VPS13B: variants seen among roughly 807,000 people sequenced by gnomAD.
The protein encoded by VPS13B is intermembrane lipid transfer protein VPS13B.
A neutral mutation model predicts 426.4 loss-of-function variants in VPS13B; 285 were observed. The observed-to-expected ratio is 0.67, with a 90% CI of 0.61 to 0.74. VPS13B has a LOEUF of 0.74. VPS13B is among the 30% of genes least tolerant of loss of function. VPS13B has a pLI of 0.00. For missense variants in VPS13B, 4,537 were observed against 4,782.6 expected (o/e 0.95, Z 1.51); for synonymous variants, 1,676 against 1,676.4 (o/e 1.00, Z 0.01).
At chr8:99,378,663 T>G (rs902388244) in intron 19 of VPS13B, among the ~76,000 whole-genome samples, 1 of 152,232 alleles carries the variant, frequency 6.6e-6, no homozygotes, top group Non-Finnish European at 1.5e-5. Context: ...GTCCTTCCAT[T>G]TGGGGTCCCT....
chr8:99,431,433 A>G (rs1364269229), intron 21 of VPS13B, 104 bp from the exon 22 acceptor site: 3 of 1,398,420 alleles, frequency 2.1e-6, no homozygotes, highest in Admixed American at 1.9e-5. Flanking sequence ...TATAAAAATT[A>G]TAATTTTAAG....
At chr8:99,565,626 C>A (rs1004790336) in intron 31 of VPS13B, among the ~76,000 whole-genome samples, 13 of 151,954 alleles carry the variant, frequency 8.6e-5, no homozygotes, top group Admixed American at 2.6e-4. Flanking sequence ...TGAGACTATT[C>A]CCCAAATGTT....
At chr8:99,720,670 T>C in intron 38 of VPS13B, 118 bp downstream of exon 38, 2 of 1,221,374 alleles carry the variant, frequency 1.6e-6, no homozygotes, top group Non-Finnish European at 2.4e-6. Context: ...AAATTTGCAG[T>C]ACAAAAATAG....
At chr8:99,735,824 G>A (rs894756821) in intron 39 of VPS13B, among the ~76,000 whole-genome samples, 7 of 152,182 alleles carry the variant, frequency 4.6e-5, no homozygotes, top group African/African-American at 1.7e-4. Context: ...CACGTCTGCA[G>A]AAAGAGTATA....
chr8:99,512,993 A>T (rs189947770), intron 29 of VPS13B, among the ~76,000 whole-genome samples: 6 of 151,388 alleles, frequency 4.0e-5, no homozygotes, highest in Admixed American at 3.3e-4. Context: ...TGGGTGACAG[A>T]GCAAGACGCC....
At chr8:99,135,167 A>G in intron 10 of VPS13B, 30 bp downstream of exon 10, 1 of 1,611,884 alleles carries the variant, frequency 6.2e-7, no homozygotes, top group Non-Finnish European at 8.5e-7. Context: ...CCTTTTTTGG[A>G]TAGGATATAG....
rs1353916181 is a variant in VPS13B, at chr8:99,195,247, T to C, written c.2515+2190T>C. Among the ~76,000 whole-genome samples the C allele has an allele frequency of 3.9e-5, 6 of 152,242 alleles. No individual in the cohort carries two copies. In the East Asian group the frequency reaches 9.6e-4, roughly 24 times the overall value. ...CTAACAGGTATGTGGTTATATCTCA[T>C]TGTGAATTTAATTTACATTTCTCTA... is the stretch of plus-strand genomic sequence containing the variant. On this transcript the variant is annotated intron_variant, in intron 17 of 61. Transcript: ENST00000357162.
intron 3 of VPS13B, among the ~76,000 whole-genome samples, chr8:99,079,829 G>A (rs1845346891): frequency 1.3e-5 from 2 of 151,528 alleles, no homozygotes; most frequent in South Asian, 4.2e-4. Context: ...GGAGGCTGAG[G>A]CAGGAGAATC....
chr8:99,157,364 G>A (rs369467682), intron 15 of VPS13B, among the ~76,000 whole-genome samples: 14 of 151,474 alleles, frequency 9.2e-5, no homozygotes, highest in Middle Eastern at 3.4e-3. Context: ...TGCTCACTTC[G>A]TGTCTCTGTG....
chr8:99,667,850 C>G (rs1830547901), intron 35 of VPS13B, among the ~76,000 whole-genome samples: 1 of 152,052 alleles, frequency 6.6e-6, no homozygotes, highest in Non-Finnish European at 1.5e-5. Flanking sequence ...TTTGGCAACT[C>G]AAGGAAATTT....
intron 15 of VPS13B, among the ~76,000 whole-genome samples, chr8:99,163,434 C>T (rs895321273): frequency 8.5e-5 from 13 of 152,304 alleles, no homozygotes; most frequent in Middle Eastern, 3.4e-3. Context: ...TGGGACTGGG[C>T]GCCGTGGAAT....
chr8:99,042,668 T>A (rs1843016533), intron 3 of VPS13B, among the ~76,000 whole-genome samples: 1 of 152,176 alleles, frequency 6.6e-6, no homozygotes, highest in Admixed American at 6.5e-5. Flanking sequence ...TGTTTCTGTT[T>A]TTGATACTGC....
At chr8:99,210,093 A>G (rs1158690047) in intron 17 of VPS13B, among the ~76,000 whole-genome samples, 2 of 152,212 alleles carry the variant, frequency 1.3e-5, no homozygotes, top group Non-Finnish European at 2.9e-5. Flanking sequence ...GAAGATGAGC[A>G]CAATTTCAAG....
chr8:99,427,982 G>A (rs1404939112), intron 21 of VPS13B, among the ~76,000 whole-genome samples: 14 of 152,074 alleles, frequency 9.2e-5, no homozygotes, highest in Non-Finnish European at 1.9e-4. Flanking sequence ...AAATAATGCA[G>A]TGTATCTACA....
Position 99,306,523 on chromosome 8 carries a change from A to G in VPS13B, c.2824+31269A>G, listed in dbSNP as rs900395755. Among the ~76,000 whole-genome samples the G allele has an allele frequency of 2.8e-4, 43 of 152,072 alleles. 1 individual carries two copies. The highest frequency in any genetic ancestry group is 2.5e-3 in the Admixed American group (38 of 15,258). On this transcript the variant is annotated intron_variant, in intron 19 of 61. Transcript: ENST00000357162. The stretch of plus-strand genomic sequence containing the variant: ...TAATTATGTTTATTGTATTAACCCT[A>G]TTTGATTCAGGATTGTTTTTGCCTA...
intron 34 of VPS13B, among the ~76,000 whole-genome samples, chr8:99,659,777 T>C (rs1352600295): frequency 6.6e-6 from 1 of 152,200 alleles, no homozygotes; most frequent in Non-Finnish European, 1.5e-5. Flanking sequence ...TCACTTAAGA[T>C]CTGTGTTTTC....
chr8:99,564,892 G>A (rs903089377), intron 31 of VPS13B, among the ~76,000 whole-genome samples: 1 of 152,296 alleles, frequency 6.6e-6, no homozygotes, highest in African/African-American at 2.4e-5. Flanking sequence ...GTAGGCTTGT[G>A]CTAAAGTCCA....
intron 23 of VPS13B, among the ~76,000 whole-genome samples, chr8:99,456,661 T>C (rs1384282846): frequency 6.6e-6 from 1 of 152,198 alleles, no homozygotes; most frequent in African/African-American, 2.4e-5. Flanking sequence ...CATTTGGTCA[T>C]AGGGTGTTAT....
chr8:99,333,833 G>A (rs948839212), intron 19 of VPS13B, among the ~76,000 whole-genome samples: 3 of 152,070 alleles, frequency 2.0e-5, no homozygotes, highest in Admixed American at 1.3e-4. Flanking sequence ...ATGTATACAT[G>A]TATGTATCAG....
Sources: allele counts gnomAD v4.1 joint callset (sites outside exome capture counted in the v4.1 genomes callset), GRCh38; gene constraint gnomAD v4.1.1; transcripts MANE v1.5; gene names NCBI Gene and HGNC (gene_info 2026-07-23, HGNC 2026-07-21).